The following APBA2 variants were observed in gnomAD, a reference collection of about 807,000 sequenced individuals.
The protein encoded by APBA2 is amyloid beta precursor protein binding family A member 2, also known as amyloid-beta A4 precursor protein-binding family A member 2.
APBA2 carries 30 observed loss-of-function variants against 75.0 expected under a neutral mutation model. That is an observed-to-expected ratio of 0.40 (90% CI 0.30 to 0.54). The LOEUF (loss-of-function observed/expected upper bound fraction) is 0.54. APBA2 is among the 20% of genes least tolerant of loss of function. The pLI is 0.49. For synonymous variants in APBA2, 444 were observed against 409.6 expected (o/e 1.08, Z -1.01); for missense variants, 801 against 1,016.1 (o/e 0.79, Z 2.88).
intron 1 of APBA2, among the ~76,000 whole-genome samples, chr15:28,906,981 A>G (rs957912225): frequency 6.6e-6 from 1 of 151,980 alleles, no homozygotes; most frequent in Non-Finnish European, 1.5e-5. Context: ...CAATGCAAAA[A>G]TTTGGAAGTT....
At chr15:28,888,921 G>A (rs1567407807) in intron 1 of APBA2, among the ~76,000 whole-genome samples, 3 of 152,040 alleles carry the variant, frequency 2.0e-5, no homozygotes, top group African/African-American at 7.2e-5. Context: ...AGTTTGAGAT[G>A]GTTGCTCACC....
At chr15:29,100,969 G>A (rs1169789199) in intron 9 of APBA2, among the ~76,000 whole-genome samples, 2 of 152,216 alleles carry the variant, frequency 1.3e-5, no homozygotes, top group African/African-American at 2.4e-5. Context: ...ACCCTAAAAC[G>A]CTCTGTTAAT....
chr15:29,093,326 G>A, intron 7 of APBA2, 106 bp downstream of exon 7: 1 of 1,491,822 alleles, frequency 6.7e-7, no homozygotes, highest in Non-Finnish European at 9.1e-7. Context: ...GGACTGCACA[G>A]CCCTCAGCAC....
chr15:29,110,777 G>T (rs928920675), intron 13 of APBA2, among the ~76,000 whole-genome samples: 1 of 152,182 alleles, frequency 6.6e-6, no homozygotes, highest in East Asian at 1.9e-4. Flanking sequence ...GAATGGGAAA[G>T]GAGGGGACAG....
At chr15:28,960,627 C>T (rs2036417645) in intron 2 of APBA2, among the ~76,000 whole-genome samples, 1 of 151,936 alleles carries the variant, frequency 6.6e-6, no homozygotes, top group African/African-American at 2.4e-5. Flanking sequence ...ACTGAGGCTT[C>T]AGGTATGGGA....
chr15:28,941,404 G>C (rs2035215005), intron 2 of APBA2, among the ~76,000 whole-genome samples: 1 of 151,600 alleles, frequency 6.6e-6, no homozygotes, highest in Admixed American at 6.6e-5. Context: ...AAAGGACAGA[G>C]GACGATGTTT....
chr15:28,925,568 T>C (rs983595072), intron 2 of APBA2, among the ~76,000 whole-genome samples: 9 of 152,218 alleles, frequency 5.9e-5, no homozygotes, highest in African/African-American at 2.2e-4. Flanking sequence ...AAAATACTTG[T>C]TAAGGTGTAC....
intron 2 of APBA2, among the ~76,000 whole-genome samples, chr15:28,939,302 A>G (rs1011029615): frequency 2.0e-5 from 3 of 152,160 alleles, no homozygotes; most frequent in African/African-American, 4.8e-5. Context: ...GATTGTGGAT[A>G]ATGCTGCTGT....
In APBA2 at chr15:29,117,474, G is replaced by A. The variant is rs1052402145; in HGVS notation, c.*341G>A. The A allele has an allele frequency of 2.6e-5, 9 of 347,552 alleles. No individual in the cohort carries two copies. In the Admixed American group the frequency reaches 3.1e-4, roughly 12 times the overall value. The allele number at this position is 347,552 out of a possible 1,614,324, so 21.5% of individuals were successfully genotyped here. On this transcript the variant is annotated 3_prime_UTR_variant, in exon 15 of 15. Coordinates refer to ENST00000683413, the MANE Select transcript of APBA2 (RefSeq NM_001353788.2). ...TTTCCTCCCTGAAGCTGTGCGGAGC[G>A]AACTGGCGCCTCCGAGGGACGCGGC...
intron 4 of APBA2, among the ~76,000 whole-genome samples, chr15:29,066,000 C>CTG (rs1295283129): frequency 3.3e-5 from 5 of 152,176 alleles, no homozygotes; most frequent in Admixed American, 6.5e-5. Flanking sequence ...GAGGCTGTTG[C>CTG]TGTGTGTGGC....
intron 1 of APBA2, among the ~76,000 whole-genome samples, chr15:28,898,022 GC>G (rs1231540028): frequency 6.6e-6 from 1 of 152,178 alleles, no homozygotes; most frequent in Non-Finnish European, 1.5e-5. Flanking sequence ...GACCAAGGAG[GC>G]GGAAATTGGA....
intron 2 of APBA2, among the ~76,000 whole-genome samples, chr15:28,950,569 G>A (rs2035806594): frequency 6.6e-6 from 1 of 151,460 alleles, no homozygotes; most frequent in Non-Finnish European, 1.5e-5. Context: ...AGAGCTTGCA[G>A]TGAGCTGAGA....
intron 2 of APBA2, among the ~76,000 whole-genome samples, chr15:28,988,109 A>G (rs2038025371): frequency 6.6e-6 from 1 of 152,002 alleles, no homozygotes; most frequent in South Asian, 2.1e-4. Context: ...GCCCCTCCCC[A>G]GTTGCATCTT....
At chr15:28,984,953 G>A (rs2037840033) in intron 2 of APBA2, among the ~76,000 whole-genome samples, 1 of 148,132 alleles carries the variant, frequency 6.8e-6, no homozygotes, top group South Asian at 2.2e-4. Flanking sequence ...CTCCCCCTCC[G>A]CCAACCACTG....
chr15:28,905,945 C>G (rs900766650), intron 1 of APBA2, among the ~76,000 whole-genome samples: 1 of 152,124 alleles, frequency 6.6e-6, no homozygotes, highest in African/African-American at 2.4e-5. Context: ...AAGCTTCCCC[C>G]CAAGTTTCAC....
intron 2 of APBA2, chr15:28,970,410 T>C (rs976671675): frequency 6.7e-6 from 1 of 149,972 alleles, no homozygotes. Flanking sequence ...GGCACCGTGG[T>C]TCATGCTTGT....
chr15:29,016,730 C>A (rs1317309905), intron 3 of APBA2, among the ~76,000 whole-genome samples: 1 of 152,054 alleles, frequency 6.6e-6, no homozygotes, highest in Non-Finnish European at 1.5e-5. Context: ...CATGTGTCAC[C>A]CCCTGTCAGT....
chr15:29,006,224 T>C (rs1485252439), intron 3 of APBA2, among the ~76,000 whole-genome samples: 1 of 152,230 alleles, frequency 6.6e-6, no homozygotes, highest in African/African-American at 2.4e-5. Flanking sequence ...AAAGCTGTTA[T>C]AACTAATACA....
At chr15:29,060,960 C>T (rs1199524986) in intron 4 of APBA2, among the ~76,000 whole-genome samples, 1 of 152,172 alleles carries the variant, frequency 6.6e-6, no homozygotes, top group Non-Finnish European at 1.5e-5. Context: ...CTGGCTCAGT[C>T]TCACAGCTCC....
Sources: gnomAD v4.1 joint callset for allele counts (sites outside exome capture counted in the v4.1 genomes callset) on GRCh38, gnomAD v4.1.1 for gene constraint, MANE v1.5 for transcripts, NCBI Gene and HGNC (gene_info 2026-07-23, HGNC 2026-07-21) for gene names.